The following ARHGEF3 variants were observed in gnomAD, a reference collection of about 807,000 sequenced individuals.
ARHGEF3 encodes 59.8 kDA protein.
A neutral mutation model predicts 63.2 loss-of-function variants in ARHGEF3; 28 were observed. That is an observed-to-expected ratio of 0.44 (90% CI 0.33 to 0.61). The LOEUF (loss-of-function observed/expected upper bound fraction) is 0.61, where lower values mean the gene tolerates loss of function less well. Ranked by LOEUF, ARHGEF3 falls within the 20% of genes least tolerant of loss-of-function variation. ARHGEF3 has a pLI of 0.03. For synonymous variants in ARHGEF3, 266 were observed against 254.2 expected, an observed-to-expected ratio of 1.05 and a Z score of -0.44; for missense variants, 533 against 659.3, an observed-to-expected ratio of 0.81 and a Z score of 2.10.
chr3:57,049,440 A>C (rs989360500), intron 1 of ARHGEF3, among the ~76,000 whole-genome samples: 2 of 152,196 alleles, frequency 1.3e-5, no homozygotes, highest in African/African-American at 4.8e-5. Flanking sequence ...CTGCTCTCGA[A>C]ACTGGAGCAG....
At chr3:56,995,620 CGA>C (rs66778716) in intron 2 of ARHGEF3, among the ~76,000 whole-genome samples, 5,927 of 112,404 alleles carry the variant, frequency 0.053, 122 homozygotes, top group African/African-American at 0.063. Flanking sequence ...GTAAATTTTC[CGA>C]GAGAGAGAGA....
At chr3:57,070,949 G>A (rs1306199035) in intron 1 of ARHGEF3, among the ~76,000 whole-genome samples, 1 of 144,940 alleles carries the variant, frequency 6.9e-6, no homozygotes, top group Non-Finnish European at 1.5e-5. Context: ...TTCAGCCTGG[G>A]TGACAGAGCA....
intron 1 of ARHGEF3, among the ~76,000 whole-genome samples, chr3:56,774,278 G>GATTGTTTTCTTACTTCATTAAATT (rs2036171199): frequency 6.6e-6 from 1 of 151,686 alleles, no homozygotes; most frequent in South Asian, 2.1e-4. Context: ...AAAGCACCAA[G>GATTGTTTTCTTACTTCATTAAATT]ATTGTTTTCT....
chr3:56,924,463 A>G (rs1257692722), intron 3 of ARHGEF3, among the ~76,000 whole-genome samples: 1 of 152,238 alleles, frequency 6.6e-6, no homozygotes, highest in Non-Finnish European at 1.5e-5. Context: ...GAAAGAATTC[A>G]GGGCAAGTCC....
intron 1 of ARHGEF3, among the ~76,000 whole-genome samples, chr3:56,799,723 C>T (rs781688614): frequency 6.6e-6 from 1 of 152,196 alleles, no homozygotes; most frequent in Non-Finnish European, 1.5e-5. Flanking sequence ...CAGAAAACTA[C>T]CCACTAAACT....
At chr3:56,837,469 C>T (rs897587851) in intron 4 of ARHGEF3, among the ~76,000 whole-genome samples, 1 of 152,144 alleles carries the variant, frequency 6.6e-6, no homozygotes. Flanking sequence ...AGAAGCTCTG[C>T]CTGACAGTCC....
chr3:56,745,537 T>C (rs2034324995), intron 6 of ARHGEF3, 75 bp from the exon 7 acceptor site: 5 of 1,542,004 alleles, frequency 3.2e-6, no homozygotes, highest in Non-Finnish European at 4.4e-6. Flanking sequence ...CATCATTTAT[T>C]GGGACTGAAC....
At chr3:56,748,089 CA>C (rs2034501545) in intron 6 of ARHGEF3, among the ~76,000 whole-genome samples, 1 of 152,180 alleles carries the variant, frequency 6.6e-6, no homozygotes, top group Admixed American at 6.5e-5. Flanking sequence ...AGGTGGAGAG[CA>C]GTGGCATGAT....
chr3:57,069,376 A>AACACACACACACACACACACAC (rs147675971), intron 1 of ARHGEF3, among the ~76,000 whole-genome samples: 2 of 146,362 alleles, frequency 1.4e-5, no homozygotes, highest in African/African-American at 5.0e-5. Context: ...CTGTCTCTCA[A>AACACACACACACACACACACAC]ACACACACAC....
At chr3:56,849,741 T>A (rs1412300849) in intron 4 of ARHGEF3, among the ~76,000 whole-genome samples, 1 of 152,080 alleles carries the variant, frequency 6.6e-6, no homozygotes, top group Non-Finnish European at 1.5e-5. Flanking sequence ...AATCTTAAAG[T>A]AGCACAAAGA....
chr3:56,922,350 T>A (rs1344810853), intron 3 of ARHGEF3, among the ~76,000 whole-genome samples: 1 of 152,174 alleles, frequency 6.6e-6, no homozygotes, highest in Non-Finnish European at 1.5e-5. Flanking sequence ...CTCTGCACAA[T>A]TTTTAGGAAG....
rs183677269 is a variant in ARHGEF3, at chr3:57,004,027, C to A, written c.62+31061G>T. Among the ~76,000 whole-genome samples the A allele has an allele frequency of 3.4e-3, 520 of 152,296 alleles. 15 individuals carry two copies. The highest frequency in any genetic ancestry group is 0.033 in the Admixed American group (497 of 15,292). ...CACTGGAAACTACCACAGTCAATGA[C>A]CCTGACCCCAGTCCTTGCCCTCAAG... On this transcript the variant is annotated intron_variant, in intron 2 of 12. Transcript: ENST00000338458.
At position 56,972,233 on chromosome 3, in the gene ARHGEF3, T is replaced by G. The variant is rs187455784; in HGVS notation, c.63-13344A>C. Among the ~76,000 whole-genome samples the G allele has an allele frequency of 2.4e-4, 37 of 152,238 alleles. 3 individuals carry two copies. The highest frequency in any genetic ancestry group is 8.9e-4 in the African/African-American group (37 of 41,462). ...CAAGCCCAAGTCCATCAAATTACTT[T>G]GGACAACTTATACAACTTTCCCAGT... On this transcript the variant is annotated intron_variant, in intron 2 of 12. Transcript: ENST00000338458.
intron 2 of ARHGEF3, among the ~76,000 whole-genome samples, chr3:56,964,225 T>C (rs961812073): frequency 1.3e-5 from 2 of 151,902 alleles, no homozygotes; most frequent in African/African-American, 4.8e-5. Context: ...TGGTGGTGCA[T>C]GCCTGTAGTC....
At chr3:56,998,724 A>C (rs1199019659) in intron 2 of ARHGEF3, among the ~76,000 whole-genome samples, 2 of 152,188 alleles carry the variant, frequency 1.3e-5, no homozygotes, top group Non-Finnish European at 2.9e-5. Flanking sequence ...TGATAGATTC[A>C]AACACAGCTG....
chr3:56,919,385 T>C (rs2042068098), intron 3 of ARHGEF3, among the ~76,000 whole-genome samples: 1 of 152,224 alleles, frequency 6.6e-6, no homozygotes, highest in African/African-American at 2.4e-5. Flanking sequence ...GTGTAACATC[T>C]TATTTTTTTC....
intron 1 of ARHGEF3, chr3:56,775,100 C>T: frequency 2.6e-6 from 4 of 1,550,882 alleles, no homozygotes; most frequent in Non-Finnish European, 3.5e-6. Flanking sequence ...ATTGTGGTGG[C>T]AAACCTCAAT....
intron 1 of ARHGEF3, chr3:56,775,464 C>A: frequency 3.0e-6 from 3 of 1,002,170 alleles, no homozygotes; most frequent in Non-Finnish European, 3.6e-6. Context: ...AATACTTTTC[C>A]AAGACGGAGA....
intron 3 of ARHGEF3, among the ~76,000 whole-genome samples, chr3:56,883,357 T>C (rs2040831183): frequency 6.6e-6 from 1 of 151,658 alleles, no homozygotes; most frequent in South Asian, 2.1e-4. Flanking sequence ...TGGAGTGCAG[T>C]GGTGTGAACA....
Sources: allele counts gnomAD v4.1 joint callset (sites outside exome capture counted in the v4.1 genomes callset), GRCh38; gene constraint gnomAD v4.1.1; transcripts MANE v1.5; gene names NCBI Gene and HGNC (gene_info 2026-07-23, HGNC 2026-07-21).